The following CRB1 variants were observed in gnomAD, a reference collection of about 807,000 sequenced individuals.
CRB1 encodes the protein protein crumbs homolog 1.
Under a neutral mutation model 120.0 loss-of-function variants are expected in CRB1, and 83 were observed. That is an observed-to-expected ratio of 0.69 (90% CI 0.58 to 0.83). The LOEUF (loss-of-function observed/expected upper bound fraction) is 0.83. CRB1 is among the 40% of genes least tolerant of loss of function. CRB1 has a pLI of 0.00. For missense variants in CRB1, 1,699 were observed against 1,687.6 expected (o/e 1.01, Z -0.12); for synonymous variants, 625 against 612.5 (o/e 1.02, Z -0.30).
At chr1:197,464,687 A>G (rs1429278307) in intron 11 of CRB1, among the ~76,000 whole-genome samples, 1 of 152,222 alleles carries the variant, frequency 6.6e-6, no homozygotes, top group Non-Finnish European at 1.5e-5. Context: ...TTCAAAATTC[A>G]GAAATAATGT....
chr1:197,347,398 C>A lies in CRB1; in HGVS notation c.907C>A (p.Pro303Thr). 1 of 1,613,788 alleles carries A rather than the reference C, an allele frequency of 6.2e-7. No homozygotes were observed. Among genetic ancestry groups the A allele is most frequent in the Non-Finnish European group, 8.5e-7 (1 of 1,179,684 alleles). Residue 303 changes from proline to threonine, a missense_variant, in exon 4 of 12, where the codon CCT (proline) becomes ACT (threonine). Coordinates refer to ENST00000367400, the MANE Select transcript of CRB1 (RefSeq NM_201253.3). Reference protein sequence around the residue: ...FTGTHCETLMPLCWSKPCHNN... With the variant: ...FTGTHCETLMTLCWSKPCHNN... ...AGGGACACACTGTGAGACCTTGATGCCTCTTTGTTGGTCAAAACCTTGTCA... is the reference window on the plus strand; with the variant it reads ...AGGGACACACTGTGAGACCTTGATGACTCTTTGTTGGTCAAAACCTTGTCA...
In CRB1 at chr1:197,328,671, G is replaced by T; in HGVS notation, c.320G>T (p.Cys107Phe). The stretch of plus-strand genomic sequence containing the variant: ...CCTCCTGGGTACAGTGGGACAATCT[G>T]TGAAACTACCATTGGTTCCTGTGGC... ...KCPPGYSGTICETTIGSCGKN... is the reference protein window; with the variant it reads ...KCPPGYSGTIFETTIGSCGKN... Residue 107 changes from cysteine to phenylalanine, a missense_variant, in exon 2 of 12, where the codon TGT (cysteine) becomes TTT (phenylalanine). Physicochemically the swap from Cys to Phe is radical, Grantham distance 205. Transcript: ENST00000367400. 1.2e-6 allele frequency: 2 copies of T among 1,614,006 alleles called. No homozygotes were observed. The highest frequency in any genetic ancestry group is 1.6e-4 in the Middle Eastern group (1 of 6,062).
intron 5 of CRB1, among the ~76,000 whole-genome samples, chr1:197,409,813 C>G (rs972793027): frequency 2.0e-5 from 3 of 152,048 alleles, no homozygotes; most frequent in African/African-American, 7.2e-5. Flanking sequence ...GAGACGGAGT[C>G]GTTCTGTCGC....
At chr1:197,345,044 C>A (rs1369157060) in intron 3 of CRB1, among the ~76,000 whole-genome samples, 1 of 152,048 alleles carries the variant, frequency 6.6e-6, no homozygotes, top group Non-Finnish European at 1.5e-5. Context: ...AATAGAACAG[C>A]AATAAATTAC....
At chr1:197,355,710 G>A (rs998730062) in intron 4 of CRB1, among the ~76,000 whole-genome samples, 2 of 152,248 alleles carry the variant, frequency 1.3e-5, no homozygotes, top group East Asian at 1.9e-4. Context: ...GCAAGCCCAC[G>A]CCCACCCAGA....
At chr1:197,285,992 CACA>C (rs1171095285) in intron 1 of CRB1, among the ~76,000 whole-genome samples, 1 of 151,594 alleles carries the variant, frequency 6.6e-6, no homozygotes, top group Non-Finnish European at 1.5e-5. Flanking sequence ...AATGTGAGGT[CACA>C]ACGTTTCCTG....
intron 11 of CRB1, among the ~76,000 whole-genome samples, chr1:197,452,242 G>C (rs533312110): frequency 1.3e-5 from 2 of 152,306 alleles, no homozygotes; most frequent in Admixed American, 1.3e-4. Context: ...ATTTGCCAGA[G>C]AGATTGTGAA....
chr1:197,421,329 G>A lies in CRB1; in HGVS notation c.1501G>A (p.Val501Met). The change falls in exon 6 of 12, where the codon GTG becomes ATG. Residue 501 changes from valine (V) to methionine (M), a missense_variant. Coordinates refer to ENST00000367400, the MANE Select transcript of CRB1 (RefSeq NM_201253.3). ...CTTCCTGTGGGTCAAAAGTGGCTCAGTGACAACCAAGGGCTCAGTTTGTAA... is the reference window on the plus strand; with the variant it reads ...CTTCCTGTGGGTCAAAAGTGGCTCAATGACAACCAAGGGCTCAGTTTGTAA... ...DGFLWVKSGS[V>M]TTKGSVCNIA... 3 of 1,614,224 alleles carry A rather than the reference G, an allele frequency of 1.9e-6. No individual in the cohort carries two copies. The highest frequency in any genetic ancestry group is 1.7e-6 in the Non-Finnish European group (2 of 1,180,042).
the CRB1 span, among the ~76,000 whole-genome samples, chr1:197,224,443 A>C: frequency 6.6e-6 from 1 of 152,154 alleles, no homozygotes; most frequent in Non-Finnish European, 1.5e-5. Flanking sequence ...CAGTTCCTTT[A>C]ATGAGTATAC....
intron 5 of CRB1, among the ~76,000 whole-genome samples, chr1:197,383,180 T>C (rs1462858733): frequency 6.6e-6 from 1 of 152,046 alleles, no homozygotes; most frequent in Non-Finnish European, 1.5e-5. Flanking sequence ...CCCACACATA[T>C]CCCTGGCTTG....
chr1:197,477,904 G>A lies in CRB1; in HGVS notation c.*25G>A, dbSNP rs865961176. The stretch of plus-strand genomic sequence containing the variant: ...GGAGCATTGTGTCCCTTCGAGATGG[G>A]GATCCACACACTGTGAATGTGATGA... On this transcript the variant is annotated 3_prime_UTR_variant, in exon 12 of 12. Coordinates refer to ENST00000367400, the MANE Select transcript of CRB1 (RefSeq NM_201253.3). 2.5e-6 allele frequency: 4 copies of A among 1,603,712 alleles called. No individual in the cohort carries two copies. The highest frequency in any genetic ancestry group is 1.7e-5 in the Admixed American group (1 of 59,880).
At chr1:197,283,272 G>A (rs1655637711) in intron 1 of CRB1, among the ~76,000 whole-genome samples, 1 of 151,116 alleles carries the variant, frequency 6.6e-6, no homozygotes. Context: ...TTTTTGGGGG[G>A]AACAGATGGT....
chr1:197,309,419 C>T (rs1657376132), intron 1 of CRB1, among the ~76,000 whole-genome samples: 3 of 152,122 alleles, frequency 2.0e-5, no homozygotes, highest in Admixed American at 2.0e-4. Context: ...TCTTCCATTG[C>T]TTTCCTACTT....
intron 8 of CRB1, 86 bp downstream of exon 8, chr1:197,429,700 A>G: frequency 2.2e-6 from 3 of 1,370,528 alleles, no homozygotes; most frequent in South Asian, 2.4e-5. Context: ...AAGAGTATAG[A>G]CAAAGCCAGT....
the CRB1 span, among the ~76,000 whole-genome samples, chr1:197,201,741 A>G: frequency 6.6e-6 from 1 of 152,228 alleles, no homozygotes; most frequent in East Asian, 1.9e-4. Flanking sequence ...GCCAGAAGCC[A>G]GTCCCAGCTA....
chr1:197,355,730 GC>G (rs1223583358), intron 4 of CRB1, among the ~76,000 whole-genome samples: 1 of 152,206 alleles, frequency 6.6e-6, no homozygotes, highest in Non-Finnish European at 1.5e-5. Flanking sequence ...AACTCACGCA[GC>G]CCCGCAAGCG....
At chr1:197,258,599 C>T in the CRB1 span, among the ~76,000 whole-genome samples, 8 of 152,286 alleles carry the variant, frequency 5.3e-5, no homozygotes, top group Admixed American at 1.3e-4. Flanking sequence ...GACCCTCTTT[C>T]GTCTCTTCCA....
At chr1:197,418,077 G>T (rs944103512) in intron 5 of CRB1, among the ~76,000 whole-genome samples, 10 of 151,868 alleles carry the variant, frequency 6.6e-5, no homozygotes, top group Non-Finnish European at 2.9e-5. Context: ...CCCTTCCCCA[G>T]TTAAATATGT....
At chr1:197,258,333 C>A in the CRB1 span, among the ~76,000 whole-genome samples, 1 of 151,992 alleles carries the variant, frequency 6.6e-6, no homozygotes, top group Admixed American at 6.6e-5. Flanking sequence ...GGCCATAAAT[C>A]CCTCTTAAAC....
Sources: gnomAD v4.1 joint callset for allele counts (sites outside exome capture counted in the v4.1 genomes callset) on GRCh38, gnomAD v4.1.1 for gene constraint, MANE v1.5 for transcripts, NCBI Gene and HGNC (gene_info 2026-07-23, HGNC 2026-07-21) for gene names.